Variants in RGSL1 observed in about 807,000 individuals in gnomAD.
The protein encoded by RGSL1 is regulator of G protein signaling like 1, also known as regulator of G protein signaling protein-like.
RGSL1 carries 97 observed loss-of-function variants against 124.7 expected under a neutral mutation model. The observed-to-expected ratio is 0.78, with a 90% CI of 0.66 to 0.92. The LOEUF (loss-of-function observed/expected upper bound fraction) is 0.92, where lower values mean the gene tolerates loss of function less well. Ranked by LOEUF, RGSL1 falls within the 40% of genes least tolerant of loss-of-function variation. RGSL1 has a pLI of 0.00. For missense variants in RGSL1, 1,233 were observed against 1,288.4 expected, an observed-to-expected ratio of 0.96 and a Z score of 0.66; for synonymous variants, 424 against 438.1, an observed-to-expected ratio of 0.97 and a Z score of 0.40.
At chr1:182,512,570 G>C (rs1039336095) in intron 9 of RGSL1, among the ~76,000 whole-genome samples, 1 of 152,162 alleles carries the variant, frequency 6.6e-6, no homozygotes, top group Non-Finnish European at 1.5e-5. Context: ...TTCTACAGGT[G>C]GGTGCCTGTG....
At chr1:182,451,171 A>T (rs2101970836) in intron 1 of RGSL1, among the ~76,000 whole-genome samples, 1 of 150,954 alleles carries the variant, frequency 6.6e-6, no homozygotes, top group Middle Eastern at 3.4e-3. Flanking sequence ...AAGATTGAAG[A>T]TTATCTTTTG....
chr1:182,511,103 A>G (rs758188134), intron 9 of RGSL1, among the ~76,000 whole-genome samples: 3 of 151,772 alleles, frequency 2.0e-5, no homozygotes, highest in Non-Finnish European at 4.4e-5. Flanking sequence ...TTTTTATTTG[A>G]TTTTTGTATA....
chr1:182,470,859 A>G (rs1333421012), intron 4 of RGSL1, among the ~76,000 whole-genome samples: 1 of 152,194 alleles, frequency 6.6e-6, no homozygotes, highest in African/African-American at 2.4e-5. Context: ...AAAGGAAACT[A>G]AATATGTTTC....
rs1377339711 is a variant in RGSL1 at position 182,473,895 on chromosome 1, GACT to G, written c.785_787del (p.Asp262_Ser263delinsAla). 7.1e-6 allele frequency: 11 copies of G among 1,551,928 alleles called. No individual in the cohort carries two copies. The highest frequency in any genetic ancestry group is 5.9e-5 in the South Asian group (5 of 84,060). ...GAAGATGTGGCAATTGGTAGATCCTGACTCTTGGTCTCTGGAAATGGATCTCAA... is the reference window on the plus strand; with the variant it reads ...GAAGATGTGGCAATTGGTAGATCCTGCTTGGTCTCTGGAAATGGATCTCAA... On this transcript the variant is annotated inframe_deletion, in exon 6 of 22. Coordinates refer to ENST00000294854, the MANE Select transcript of RGSL1 (RefSeq NM_001137669.2).
chr1:182,482,375 C>A (rs1654773907), intron 6 of RGSL1, among the ~76,000 whole-genome samples: 1 of 151,724 alleles, frequency 6.6e-6, no homozygotes, highest in Non-Finnish European at 1.5e-5. Context: ...TACTGGAAGT[C>A]CTAGCCAGAG....
intron 9 of RGSL1, among the ~76,000 whole-genome samples, chr1:182,500,268 T>C (rs1348614123): frequency 6.6e-6 from 1 of 152,208 alleles, no homozygotes; most frequent in Non-Finnish European, 1.5e-5. Context: ...TTGAAGAGAC[T>C]CTTCTTTCCC....
chr1:182,469,659 C>T (rs567436870), intron 4 of RGSL1, among the ~76,000 whole-genome samples: 3 of 152,198 alleles, frequency 2.0e-5, no homozygotes, highest in South Asian at 2.1e-4. Context: ...CTGAGTATAC[C>T]TCAAAAGAAT....
At chr1:182,548,625 G>A (rs1044814395) in intron 16 of RGSL1, 75 bp from the exon 17 acceptor site, 5 of 1,535,926 alleles carry the variant, frequency 3.3e-6, no homozygotes, top group Non-Finnish European at 4.4e-6. Flanking sequence ...TGGTCATGGG[G>A]TTCTGGGGGC....
At chr1:182,532,637 G>A in intron 13 of RGSL1, 25 bp from the exon 14 acceptor site, 1 of 1,548,480 alleles carries the variant, frequency 6.5e-7, no homozygotes, top group Non-Finnish European at 8.7e-7. Context: ...TAATGAACAT[G>A]TTATACTCCT....
At chr1:182,541,704 A>C (rs1308104511) in intron 15 of RGSL1, among the ~76,000 whole-genome samples, 1 of 152,170 alleles carries the variant, frequency 6.6e-6, no homozygotes, top group Non-Finnish European at 1.5e-5. Flanking sequence ...ACCAGGTACA[A>C]GGTTTCCCCT....
At chr1:182,509,738 C>G (rs555047551) in intron 9 of RGSL1, among the ~76,000 whole-genome samples, 3 of 136,688 alleles carry the variant, frequency 2.2e-5, no homozygotes, top group South Asian at 2.3e-4. Flanking sequence ...ACCTCCCTCC[C>G]GGATGGCACG....
chr1:182,532,697 G>GATAAA lies in RGSL1; in HGVS notation c.2401_2402insTAAAA (p.Ser801IlefsTer12). On this transcript the variant is annotated frameshift_variant, in exon 14 of 22. Transcript: ENST00000294854. LOFTEE classifies it high-confidence loss of function. ...GGATGAGAATGATCAGCTTTATCAG[G>GATAAA]AGTTTTTGCAAGTACCGCAGATTTA... is the stretch of plus-strand genomic sequence containing the variant. 1 of 1,551,026 alleles carries GATAAA rather than the reference G, an allele frequency of 6.4e-7. No individual in the cohort carries two copies. The highest frequency in any genetic ancestry group is 1.2e-5 in the South Asian group (1 of 84,012).
At chr1:182,486,284 T>C (rs1294565879) in intron 6 of RGSL1, among the ~76,000 whole-genome samples, 1 of 151,812 alleles carries the variant, frequency 6.6e-6, no homozygotes, top group Non-Finnish European at 1.5e-5. Flanking sequence ...AATTTATTTA[T>C]CTATTAATTA....
chr1:182,539,926 T>G (rs1659781360), intron 14 of RGSL1, among the ~76,000 whole-genome samples: 1 of 152,214 alleles, frequency 6.6e-6, no homozygotes, highest in South Asian at 2.1e-4. Flanking sequence ...CACACTCCAT[T>G]TGGAAGGTCA....
intron 15 of RGSL1, among the ~76,000 whole-genome samples, chr1:182,547,584 G>T (rs1660291521): frequency 6.6e-6 from 1 of 152,202 alleles, no homozygotes; most frequent in South Asian, 2.1e-4. Flanking sequence ...ACTGGCAGCA[G>T]GGTGCGGTGG....
upstream of RGSL1, among the ~76,000 whole-genome samples, chr1:182,449,928 G>T (rs1324159022): frequency 6.6e-6 from 1 of 152,162 alleles, no homozygotes; most frequent in South Asian, 2.1e-4. Flanking sequence ...AAAATAGTAT[G>T]AACTAAAGGC....
At chr1:182,485,780 G>A (rs1655051583) in intron 6 of RGSL1, among the ~76,000 whole-genome samples, 1 of 152,148 alleles carries the variant, frequency 6.6e-6, no homozygotes, top group African/African-American at 2.4e-5. Context: ...TGCATGGCCA[G>A]CAAGCTAGGG....
chr1:182,456,453 C>T (rs536578853), intron 2 of RGSL1, among the ~76,000 whole-genome samples: 9 of 152,232 alleles, frequency 5.9e-5, no homozygotes, highest in Non-Finnish European at 7.4e-5. Context: ...TGCACCACCA[C>T]GCCCAGCTAA....
chr1:182,549,026 G>A (rs1304131339), intron 17 of RGSL1: 2 of 563,264 alleles, frequency 3.6e-6, no homozygotes, highest in African/African-American at 3.8e-5. Context: ...GGAAGGCAGA[G>A]TAAGACTGAG....
Sources: allele counts gnomAD v4.1 joint callset (sites outside exome capture counted in the v4.1 genomes callset), GRCh38; gene constraint gnomAD v4.1.1; transcripts MANE v1.5; gene names NCBI Gene and HGNC (gene_info 2026-07-23, HGNC 2026-07-21).